The following HIVEP3 variants were observed in gnomAD, a reference collection of about 807,000 sequenced individuals.
The protein encoded by HIVEP3 is transcription factor HIVEP3.
A neutral mutation model predicts 152.8 loss-of-function variants in HIVEP3; 49 were observed. The ratio of observed to expected loss-of-function variants is 0.32; its 90% CI spans 0.26 to 0.41. The LOEUF (loss-of-function observed/expected upper bound fraction) is 0.41, where lower values mean the gene tolerates loss of function less well. Among genes scored for constraint, HIVEP3 ranks in the 10% least tolerant of loss-of-function variants. HIVEP3 has a pLI of 1.00. For synonymous variants in HIVEP3, 1,269 were observed against 1,289.0 expected, an observed-to-expected ratio of 0.98 and a Z score of 0.33; for missense variants, 2,790 against 3,103.3, an observed-to-expected ratio of 0.90 and a Z score of 2.40.
intron 2 of HIVEP3, among the ~76,000 whole-genome samples, chr1:41,641,352 G>A (rs1181750550): frequency 3.9e-5 from 6 of 152,320 alleles, no homozygotes; most frequent in Non-Finnish European, 2.9e-5. Context: ...CCTTAGCTAA[G>A]AGGGGAAGCC....
intron 1 of HIVEP3, among the ~76,000 whole-genome samples, chr1:41,722,292 C>T (rs1407603652): frequency 6.6e-6 from 1 of 152,240 alleles, no homozygotes; most frequent in Non-Finnish European, 1.5e-5. Flanking sequence ...CCAGCACAGG[C>T]CTGGGATGTA....
At chr1:41,839,226 T>C (rs558360225) in intron 1 of HIVEP3, among the ~76,000 whole-genome samples, 7 of 152,262 alleles carry the variant, frequency 4.6e-5, no homozygotes, top group African/African-American at 1.7e-4. Flanking sequence ...GGCCTCCTTC[T>C]CCTCCCACCT....
chr1:41,701,527 C>T (rs1407715710), intron 1 of HIVEP3, among the ~76,000 whole-genome samples: 1 of 152,180 alleles, frequency 6.6e-6, no homozygotes, highest in Non-Finnish European at 1.5e-5. Flanking sequence ...GGTTGCCTCC[C>T]TTCTCCAAGT....
intron 5 of HIVEP3, among the ~76,000 whole-genome samples, chr1:41,549,128 G>A (rs752067735): frequency 4.0e-5 from 6 of 150,852 alleles, no homozygotes; most frequent in Admixed American, 1.3e-4. Flanking sequence ...GCGGTATTTC[G>A]TTCTCTGTCC....
At chr1:42,026,844 A>G (rs1311714640) in intron 1 of HIVEP3, among the ~76,000 whole-genome samples, 1 of 152,230 alleles carries the variant, frequency 6.6e-6, no homozygotes, top group African/African-American at 2.4e-5. Flanking sequence ...AGCAACAGAT[A>G]CAGCTTTTTC....
At chr1:41,710,501 G>A (rs896655197) in intron 1 of HIVEP3, among the ~76,000 whole-genome samples, 1 of 152,178 alleles carries the variant, frequency 6.6e-6, no homozygotes, top group Non-Finnish European at 1.5e-5. Context: ...TAAGCCCTCA[G>A]TGAGGGTCTG....
chr1:41,986,629 A>T (rs1345317916), intron 1 of HIVEP3, among the ~76,000 whole-genome samples: 2 of 152,026 alleles, frequency 1.3e-5, no homozygotes, highest in Admixed American at 6.6e-5. Context: ...TTTAGTAGAG[A>T]CAGGGTTTCA....
chr1:41,728,464 C>G (rs763001736), intron 1 of HIVEP3, among the ~76,000 whole-genome samples: 3 of 149,470 alleles, frequency 2.0e-5, no homozygotes, highest in Non-Finnish European at 4.4e-5. Flanking sequence ...TCTGCCAAGG[C>G]GACAGAGCAG....
chr1:41,919,355 C>A (rs1228615088), upstream of HIVEP3, among the ~76,000 whole-genome samples: 1 of 152,218 alleles, frequency 6.6e-6, no homozygotes, highest in African/African-American at 2.4e-5. Context: ...GGAGCCTCAA[C>A]AGTGCCTGAA....
chr1:41,528,772 C>G (rs1198646647), intron 5 of HIVEP3, among the ~76,000 whole-genome samples: 5 of 139,914 alleles, frequency 3.6e-5, no homozygotes, highest in Non-Finnish European at 7.8e-5. Flanking sequence ...CTCACCTTCA[C>G]ACACTCCACA....
intron 1 of HIVEP3, among the ~76,000 whole-genome samples, chr1:42,029,192 A>G (rs1645598870): frequency 6.6e-6 from 1 of 152,220 alleles, no homozygotes; most frequent in East Asian, 1.9e-4. Flanking sequence ...AGGGGGGTTC[A>G]GTGTGAAGAT....
chr1:41,644,212 C>G (rs1645423657), intron 2 of HIVEP3, among the ~76,000 whole-genome samples: 1 of 152,070 alleles, frequency 6.6e-6, no homozygotes, highest in Non-Finnish European at 1.5e-5. Context: ...TATTCCTCAC[C>G]AGGGTCACCT....
chr1:41,934,608 T>C (rs1645011450), intron 1 of HIVEP3, among the ~76,000 whole-genome samples: 1 of 152,110 alleles, frequency 6.6e-6, no homozygotes, highest in Admixed American at 6.6e-5. Context: ...GGTACAGCAG[T>C]TGGTCAGGGT....
At position 41,583,680 on chromosome 1, in the gene HIVEP3, T is replaced by C. The variant is rs1644457199; in HGVS notation, c.1118A>G (p.Lys373Arg). Residue 373 changes from lysine (K) to arginine (R), a missense_variant, in exon 4 of 9, where the codon AAG becomes AGG. By Grantham distance (26) the Lys-to-Arg change is conservative. Coordinates refer to ENST00000372583, the MANE Select transcript of HIVEP3 (RefSeq NM_024503.5). This position sits in a 1 kb window ranked among gnomAD's most constrained non-coding sequence, Gnocchi z 6.9. Reference protein sequence around the residue: ...KLALRLSERKKVIDEQAFLSP... With the variant: ...KLALRLSERKRVIDEQAFLSP... ...CAGAAACGCCTGCTCATCGATCACC[T>C]TCTTCCTCTCGCTTAAGCGGAGGGC... 6.2e-7 allele frequency: 1 copy of C among 1,613,944 alleles called. No homozygotes were observed. The highest frequency in any genetic ancestry group is 8.5e-7 in the Non-Finnish European group (1 of 1,179,970).
chr1:41,600,240 C>A (rs1644725587), intron 3 of HIVEP3, among the ~76,000 whole-genome samples: 1 of 152,152 alleles, frequency 6.6e-6, no homozygotes. Flanking sequence ...GAATTGAAAT[C>A]AGAGTCTCAA....
chr1:41,744,682 T>C (rs1220329557), intron 1 of HIVEP3, among the ~76,000 whole-genome samples: 2 of 152,254 alleles, frequency 1.3e-5, no homozygotes, highest in Admixed American at 6.5e-5. Context: ...CGTGGTTTTA[T>C]AGGGTGGGCT....
chr1:41,684,611 T>A (rs1263437330), intron 2 of HIVEP3, among the ~76,000 whole-genome samples: 1 of 152,236 alleles, frequency 6.6e-6, no homozygotes, highest in African/African-American at 2.4e-5. Flanking sequence ...TTTCATCACT[T>A]GCTGGCCATG....
intron 1 of HIVEP3, among the ~76,000 whole-genome samples, chr1:41,951,982 G>A (rs1245249269): frequency 2.0e-5 from 3 of 152,128 alleles, no homozygotes; most frequent in Non-Finnish European, 2.9e-5. Flanking sequence ...AATAAATTAC[G>A]TGAACAACTA....
At chr1:41,596,530 C>G (rs1228401698) in intron 3 of HIVEP3, among the ~76,000 whole-genome samples, 2 of 152,232 alleles carry the variant, frequency 1.3e-5, no homozygotes, top group Non-Finnish European at 2.9e-5. Context: ...CTGCCTCCCC[C>G]TGGCCTGGGC....
Sources: gnomAD v4.1 joint callset for allele counts (sites outside exome capture counted in the v4.1 genomes callset) on GRCh38, gnomAD v4.1.1 for gene constraint, Gnocchi (gnomAD v3.1) non-coding constraint, MANE v1.5 for transcripts, NCBI Gene and HGNC (gene_info 2026-07-23, HGNC 2026-07-21) for gene names.